HHAT: variants seen among roughly 807,000 people sequenced by gnomAD.
The protein encoded by HHAT is hedgehog acyltransferase.
A neutral mutation model predicts 70.8 loss-of-function variants in HHAT; 47 were observed. That is an observed-to-expected ratio of 0.66 (90% CI 0.53 to 0.85). HHAT has a LOEUF of 0.85. Ranked by LOEUF, HHAT falls within the 40% of genes least tolerant of loss-of-function variation. The pLI, the probability that HHAT is intolerant of heterozygous loss-of-function variation, is 0.00. For synonymous variants in HHAT, 228 were observed against 247.6 expected (o/e 0.92, Z 0.74); for missense variants, 609 against 604.8 (o/e 1.01, Z -0.07).
intron 1 of HHAT, among the ~76,000 whole-genome samples, chr1:210,340,242 G>GGGGAAAAAAAAAAAAAAAAAAAAAAAAA (rs1553313987): frequency 1.0e-5 from 1 of 99,784 alleles, no homozygotes. Flanking sequence ...CTCTGTCTCA[G>GGGGAAAAAAAAAAAAAAAAAAAAAAAAA]AAAAAAAAAA....
intron 9 of HHAT, among the ~76,000 whole-genome samples, chr1:210,537,681 T>C (rs1479458221): frequency 3.3e-5 from 5 of 152,194 alleles, no homozygotes; most frequent in African/African-American, 1.2e-4. Flanking sequence ...GAGGAAAATG[T>C]ACCCTGAAGG....
chr1:210,540,306 T>C (rs1319197462), intron 9 of HHAT, among the ~76,000 whole-genome samples: 1 of 152,190 alleles, frequency 6.6e-6, no homozygotes, highest in Non-Finnish European at 1.5e-5. Flanking sequence ...AGAATTATAA[T>C]TGCAGTTTAA....
At chr1:210,586,362 T>C (rs2148782750) in intron 9 of HHAT, among the ~76,000 whole-genome samples, 1 of 152,234 alleles carries the variant, frequency 6.6e-6, no homozygotes, top group Non-Finnish European at 1.5e-5. Flanking sequence ...ATTATCTGAG[T>C]TCAGGAGTTT....
intron 9 of HHAT, among the ~76,000 whole-genome samples, chr1:210,568,425 G>C (rs774395331): frequency 6.6e-6 from 1 of 152,222 alleles, no homozygotes; most frequent in Non-Finnish European, 1.5e-5. Flanking sequence ...AGGGAGGGTC[G>C]TGGGAGCCTC....
At chr1:210,617,733 T>C (rs1668022763) in intron 10 of HHAT, among the ~76,000 whole-genome samples, 1 of 152,258 alleles carries the variant, frequency 6.6e-6, no homozygotes, top group African/African-American at 2.4e-5. Context: ...CTTGTCCAAT[T>C]AAACAAATCT....
intron 3 of HHAT, chr1:210,369,891 GGATA>G (rs151262507): frequency 6.6e-6 from 1 of 152,318 alleles, no homozygotes; most frequent in East Asian, 1.9e-4. Context: ...GACAGGGAGG[GGATA>G]GATCGTAAAG....
At chr1:210,422,253 A>T (rs2092924779) in intron 7 of HHAT, among the ~76,000 whole-genome samples, 1 of 152,238 alleles carries the variant, frequency 6.6e-6, no homozygotes, top group Non-Finnish European at 1.5e-5. Flanking sequence ...CATCACAAAT[A>T]GTTATCATTT....
At chr1:210,365,199 T>G (rs1351450083) in intron 3 of HHAT, among the ~76,000 whole-genome samples, 1 of 152,138 alleles carries the variant, frequency 6.6e-6, no homozygotes, top group African/African-American at 2.4e-5. Flanking sequence ...AAAGAAGATA[T>G]TAGATGTGAC....
chr1:210,424,169 A>C (rs2092988853), intron 7 of HHAT, among the ~76,000 whole-genome samples: 1 of 152,110 alleles, frequency 6.6e-6, no homozygotes, highest in African/African-American at 2.4e-5. Context: ...ATCCATGAGC[A>C]TGGGTTGTTT....
intron 11 of HHAT, among the ~76,000 whole-genome samples, chr1:210,671,558 G>A (rs777830028): frequency 1.3e-5 from 2 of 152,190 alleles, no homozygotes; most frequent in Non-Finnish European, 1.5e-5. Flanking sequence ...TCCTGGATTT[G>A]GAGTAGCCTT....
chr1:210,387,385 T>C (rs2091159038), intron 3 of HHAT, 83 bp from the exon 4 acceptor site: 1 of 1,167,184 alleles, frequency 8.6e-7, no homozygotes, highest in Admixed American at 1.8e-5. Context: ...ACTGGCCTTC[T>C]TTCCAGTTTT....
chr1:210,601,937 C>CAGAGAGAGAGAGAGAGAGAGAG lies in HHAT; in HGVS notation c.1245+13858_1245+13859insAGAGAGAGAGAGAGAGAGAGAG, dbSNP rs147826172. 8.5e-3 allele frequency among the ~76,000 whole-genome samples: 1,251 copies of CAGAGAGAGAGAGAGAGAGAGAG among 147,264 alleles called. 14 individuals are homozygous for CAGAGAGAGAGAGAGAGAGAGAG. Among genetic ancestry groups the CAGAGAGAGAGAGAGAGAGAGAG allele is most frequent in the African/African-American group, 0.021 (848 of 39,532 alleles). ...TGGAGCCATGAGAATATTTGAGACT[C>CAGAGAGAGAGAGAGAGAGAGAG]AGAGAGAGAGAGAGAGAGAGTATGT... On this transcript the variant is annotated intron_variant, in intron 10 of 11. Coordinates refer to ENST00000261458, the MANE Select transcript of HHAT (RefSeq NM_018194.6).
At chr1:210,622,466 A>T (rs1669027642) in intron 10 of HHAT, among the ~76,000 whole-genome samples, 1 of 151,918 alleles carries the variant, frequency 6.6e-6, no homozygotes, top group Non-Finnish European at 1.5e-5. Flanking sequence ...CAGCGACCTC[A>T]CTCAGAGGGG....
chr1:210,353,099 C>T (rs1164657234), intron 2 of HHAT, among the ~76,000 whole-genome samples: 2 of 152,046 alleles, frequency 1.3e-5, no homozygotes, highest in African/African-American at 4.8e-5. Context: ...CCATGCCTGG[C>T]TAATTTTTGT....
At chr1:210,533,939 G>A (rs1187092483) in intron 9 of HHAT, among the ~76,000 whole-genome samples, 1 of 152,186 alleles carries the variant, frequency 6.6e-6, no homozygotes, top group Non-Finnish European at 1.5e-5. Flanking sequence ...GCTTGGTGAT[G>A]CAGAATACTC....
chr1:210,513,304 G>A (rs1572954356), intron 9 of HHAT, 116 bp downstream of exon 9: 2 of 574,160 alleles, frequency 3.5e-6, no homozygotes, highest in East Asian at 6.1e-5. Flanking sequence ...ATATATACTT[G>A]TCAAGAAAAC....
chr1:210,449,130 C>A (rs551773642), intron 7 of HHAT, among the ~76,000 whole-genome samples: 8 of 152,314 alleles, frequency 5.3e-5, no homozygotes, highest in African/African-American at 1.7e-4. Flanking sequence ...GACAATTCCA[C>A]AAGCAGCTTA....
chr1:210,390,145 GAAGATT>G (rs2091359048), intron 4 of HHAT, among the ~76,000 whole-genome samples: 1 of 152,048 alleles, frequency 6.6e-6, no homozygotes. Flanking sequence ...CAAAAAAGAT[GAAGATT>G]GTCAGACTAG....
At chr1:210,567,077 G>A (rs1353475109) in intron 9 of HHAT, among the ~76,000 whole-genome samples, 6 of 152,170 alleles carry the variant, frequency 3.9e-5, no homozygotes, top group Non-Finnish European at 8.8e-5. Flanking sequence ...TCCAATAAGG[G>A]GTTAGAGCAA....
Sources: allele counts gnomAD v4.1 joint callset (sites outside exome capture counted in the v4.1 genomes callset), GRCh38; gene constraint gnomAD v4.1.1; transcripts MANE v1.5; gene names NCBI Gene and HGNC (gene_info 2026-07-23, HGNC 2026-07-21).